ENPP2: variants seen among roughly 807,000 people sequenced by gnomAD.
ENPP2 encodes ectonucleotide pyrophosphatase/phosphodiesterase 2, also known as autotaxin.
In ENPP2, 51 loss-of-function variants were observed where a neutral mutation model predicts 120.2. The ratio of observed to expected loss-of-function variants is 0.42; its 90% CI spans 0.34 to 0.54. ENPP2 has a LOEUF of 0.54. Ranked by LOEUF, ENPP2 falls within the 20% of genes least tolerant of loss-of-function variation. The pLI, the probability that ENPP2 is intolerant of heterozygous loss-of-function variation, is 0.04. For missense variants in ENPP2, 920 were observed against 1,066.5 expected, an observed-to-expected ratio of 0.86 and a Z score of 1.91; for synonymous variants, 365 against 366.4, an observed-to-expected ratio of 1.00 and a Z score of 0.04.
chr8:119,641,696 T>G (rs534747554), upstream of ENPP2, among the ~76,000 whole-genome samples: 1 of 152,342 alleles, frequency 6.6e-6, no homozygotes, highest in Admixed American at 6.5e-5. Context: ...AAAATGCTGA[T>G]GTTTATGTCC....
At chr8:119,606,422 C>T (rs1167344287) in intron 9 of ENPP2, among the ~76,000 whole-genome samples, 1 of 152,080 alleles carries the variant, frequency 6.6e-6, no homozygotes, top group Non-Finnish European at 1.5e-5. Context: ...GTTGTTGGCT[C>T]CTCTCCATTC....
intron 19 of ENPP2, 128 bp downstream of exon 19, chr8:119,579,986 GAA>G: frequency 1.4e-6 from 1 of 734,822 alleles, no homozygotes; most frequent in South Asian, 1.7e-5. Flanking sequence ...AGATAGGTAT[GAA>G]AGTCACTTTG....
At chr8:119,598,902 G>T (rs1484666155) in intron 11 of ENPP2, among the ~76,000 whole-genome samples, 1 of 152,124 alleles carries the variant, frequency 6.6e-6, no homozygotes, top group South Asian at 2.1e-4. Context: ...CTTTTAAAAG[G>T]ATGGCTATAC....
chr8:119,617,146 A>C lies in ENPP2; in HGVS notation c.657+18T>G, dbSNP rs1365334542. On this transcript the variant is annotated intron_variant, in intron 7 of 24. Coordinates refer to ENST00000075322, the MANE Select transcript of ENPP2 (RefSeq NM_001040092.3). ...GAAATCAGCCCTTTGAATGTGTATC[A>C]TTCGAAAAAATACTTACAGTGGCCA... 6.6e-7 allele frequency: 1 copy of C among 1,517,924 alleles called. No individual in the cohort carries two copies. Among genetic ancestry groups the C allele is most frequent in the South Asian group, 1.1e-5 (1 of 89,096 alleles). The allele number at this position is 1,517,924 out of a possible 1,614,324, so 94.0% of individuals were successfully genotyped here.
At position 119,617,256 on chromosome 8, in the gene ENPP2, T is replaced by G; in HGVS notation, c.578-13A>C. 6.2e-7 allele frequency: 1 copy of G among 1,600,382 alleles called. No homozygotes were observed. The highest frequency in any genetic ancestry group is 8.6e-7 in the Non-Finnish European group (1 of 1,167,546). Reference sequence around the variant, plus strand: ...GTGCCACAAGACCCTGGAAAGAGAATTGCAAATATTAGAACAAGAGAACCA... The same window carrying G: ...GTGCCACAAGACCCTGGAAAGAGAAGTGCAAATATTAGAACAAGAGAACCA... On this transcript the variant is annotated splice_polypyrimidine_tract_variant and intron_variant, in intron 6 of 24. Coordinates refer to ENST00000075322, the MANE Select transcript of ENPP2 (RefSeq NM_001040092.3).
At chr8:119,601,115 GC>G (rs1185168242) in intron 10 of ENPP2, among the ~76,000 whole-genome samples, 3 of 152,252 alleles carry the variant, frequency 2.0e-5, no homozygotes, top group Admixed American at 2.0e-4. Context: ...TTATACTTCT[GC>G]AATCCTTGGG....
intron 24 of ENPP2, among the ~76,000 whole-genome samples, chr8:119,560,492 T>C (rs1244234859): frequency 6.6e-6 from 1 of 152,184 alleles, no homozygotes; most frequent in Non-Finnish European, 1.5e-5. Context: ...AGTATAATAT[T>C]GTTGTCTTCC....
chr8:119,564,047 T>C (rs72688211), intron 23 of ENPP2, among the ~76,000 whole-genome samples: 14,543 of 151,626 alleles, frequency 0.096, 1,117 homozygotes, highest in African/African-American at 0.19. Context: ...TAAATCTTGC[T>C]TTCTCCACTA....
At chr8:119,574,194 C>T (rs1463113146) in intron 19 of ENPP2, among the ~76,000 whole-genome samples, 1 of 152,006 alleles carries the variant, frequency 6.6e-6, no homozygotes, top group African/African-American at 2.4e-5. Flanking sequence ...GCCTGACTCT[C>T]CTAGTCTTTA....
chr8:119,624,722 C>T (rs1002034239), intron 3 of ENPP2, among the ~76,000 whole-genome samples: 3 of 152,092 alleles, frequency 2.0e-5, no homozygotes, highest in Non-Finnish European at 2.9e-5. Flanking sequence ...CAGATACTTT[C>T]GCACACATGC....
In ENPP2 at chr8:119,617,210, G is replaced by A. The variant is rs754090722; in HGVS notation, c.611C>T (p.Pro204Leu). The part of the protein sequence containing the change: ...SCGTHSPYMR[P>L]VYPTKTFPNL... ...AGGAAAGGTTTTAGTTGGGTACACC[G>A]GCCTCATGTAGGGAGAGTGTGTGCC... is the stretch of plus-strand genomic sequence containing the variant. The change falls in exon 7 of 25, where the codon CCG becomes CTG. Residue 204 changes from proline to leucine, a missense_variant. Pro to Leu is a moderately conservative substitution (Grantham distance 98). Transcript: ENST00000075322. 7 of 1,613,672 alleles carry A rather than the reference G, an allele frequency of 4.3e-6. No individual in the cohort carries two copies. Among genetic ancestry groups the A allele is most frequent in the Admixed American group, 1.7e-5 (1 of 60,018 alleles).
At chr8:119,635,273 C>T (rs1265861959) in intron 2 of ENPP2, among the ~76,000 whole-genome samples, 13 of 152,228 alleles carry the variant, frequency 8.5e-5, no homozygotes, top group Admixed American at 8.5e-4. Flanking sequence ...CATTCACATA[C>T]TTTTCAACTT....
intron 13 of ENPP2, 89 bp from the exon 14 acceptor site, chr8:119,587,164 C>T (rs981179411): frequency 2.9e-6 from 3 of 1,031,698 alleles, no homozygotes; most frequent in African/African-American, 1.6e-5. Context: ...AATTCTTTCT[C>T]CTTCCATCCC....
intron 1 of ENPP2, among the ~76,000 whole-genome samples, chr8:119,660,444 T>C (rs939132324): frequency 6.6e-6 from 1 of 152,198 alleles, no homozygotes; most frequent in African/African-American, 2.4e-5. Context: ...ACTTTACCAC[T>C]ACACCATACC....
intron 1 of ENPP2, among the ~76,000 whole-genome samples, chr8:119,667,641 A>T (rs2130910877): frequency 6.6e-6 from 1 of 152,198 alleles, no homozygotes; most frequent in African/African-American, 2.4e-5. Flanking sequence ...CTTCCCTGCT[A>T]CCCTTTGGTT....
intron 1 of ENPP2, among the ~76,000 whole-genome samples, chr8:119,655,288 CAG>C (rs1423795280): frequency 1.3e-5 from 2 of 152,218 alleles, no homozygotes; most frequent in Non-Finnish European, 2.9e-5. Flanking sequence ...CCTTTGTAAA[CAG>C]AGAGTCACCG....
intron 7 of ENPP2, 30 bp downstream of exon 7, chr8:119,617,134 T>C: frequency 7.3e-7 from 1 of 1,366,808 alleles, no homozygotes; most frequent in Non-Finnish European, 1.0e-6. Flanking sequence ...ATCAGCCCTT[T>C]GAATGTGTAT....
At chr8:119,579,892 A>G (rs904049389) in intron 19 of ENPP2, among the ~76,000 whole-genome samples, 2 of 152,120 alleles carry the variant, frequency 1.3e-5, no homozygotes, top group Admixed American at 6.5e-5. Context: ...CTTAAAAGCT[A>G]TTGAGGGGGG....
chr8:119,566,256 C>T (rs1394108101), intron 22 of ENPP2, among the ~76,000 whole-genome samples: 1 of 152,148 alleles, frequency 6.6e-6, no homozygotes, highest in East Asian at 1.9e-4. Flanking sequence ...AAGAGAATAA[C>T]AGAAGGAGAC....
Sources: allele counts gnomAD v4.1 joint callset (sites outside exome capture counted in the v4.1 genomes callset), GRCh38; gene constraint gnomAD v4.1.1; transcripts MANE v1.5; gene names NCBI Gene and HGNC (gene_info 2026-07-23, HGNC 2026-07-21).